The following NAV2 variants were observed in gnomAD, a reference collection of about 807,000 sequenced individuals.
NAV2 encodes helicase, APC down-regulated 1.
NAV2 carries 54 observed loss-of-function variants against 223.2 expected under a neutral mutation model. The observed-to-expected ratio is 0.24, with a 90% confidence interval of 0.19 to 0.30. The LOEUF (loss-of-function observed/expected upper bound fraction) is 0.30, where lower values mean the gene tolerates loss of function less well. NAV2 is among the 10% of genes least tolerant of loss of function. The pLI, the probability that NAV2 is intolerant of heterozygous loss-of-function variation, is 1.00. For missense variants in NAV2, 2,806 were observed against 3,147.5 expected, an observed-to-expected ratio of 0.89 and a Z score of 2.60; for synonymous variants, 1,279 against 1,239.3, an observed-to-expected ratio of 1.03 and a Z score of -0.67.
chr11:20,018,422 C>T (rs2153526895), intron 11 of NAV2, among the ~76,000 whole-genome samples: 1 of 151,344 alleles, frequency 6.6e-6, no homozygotes, highest in East Asian at 1.9e-4. Context: ...TGCGCTTAAC[C>T]TGGGCTTTAT....
At chr11:20,043,802 C>CA (rs374421095) in intron 12 of NAV2, 179 bp from the exon 13 acceptor site, 23,144 of 420,228 alleles carry the variant, frequency 0.055, 135 homozygotes, top group African/African-American at 0.091. Context: ...TTTTTTTTTC[C>CA]AAAAAAAAAA....
At chr11:19,777,753 A>G in intron 1 of NAV2, 1 of 423,228 alleles carries the variant, frequency 2.4e-6, no homozygotes, top group South Asian at 1.7e-5. Context: ...GGGGGGTGGG[A>G]CTGGGCTGCA....
At position 19,956,993 on chromosome 11, in the gene NAV2, C is replaced by T. The variant is rs562679816; in HGVS notation, c.2645+7913C>T. Among the ~76,000 whole-genome samples the T allele has an allele frequency of 2.0e-5, 3 of 152,290 alleles. No individual in the cohort carries two copies. In the South Asian group the frequency reaches 6.2e-4, roughly 32 times the overall value. On this transcript the variant is annotated intron_variant, in intron 10 of 37. Transcript: ENST00000349880. Reference sequence around the variant, plus strand: ...TTTGCTATGAATAACAAAAGATGCTCCTCTTACCCCTATCAAGAAATTCCA... The same window carrying T: ...TTTGCTATGAATAACAAAAGATGCTTCTCTTACCCCTATCAAGAAATTCCA...
chr11:19,677,017 G>A lies in NAV2; in HGVS notation c.76-155467G>A, dbSNP rs116629920. Among the ~76,000 whole-genome samples, 1,344 of 152,308 alleles carry A rather than the reference G, an allele frequency of 8.8e-3. 9 individuals carry two copies. Among genetic ancestry groups the A allele is most frequent in the African/African-American group, 0.031 (1,269 of 41,566 alleles). On this transcript the variant is annotated intron_variant, in intron 1 of 37. Coordinates refer to the NAV2 transcript ENST00000360655. ...TAACCACACCAAGAGTGAAGGCACG[G>A]CCTCTCAAGGAAAGAATCAAGACTG...
At chr11:19,692,183 C>T (rs117834096) in intron 1 of NAV2, among the ~76,000 whole-genome samples, 3,681 of 152,336 alleles carry the variant, frequency 0.024, 82 homozygotes, top group Middle Eastern at 0.068. Flanking sequence ...GAGAAAGACC[C>T]ACACTGGCTG....
chr11:19,929,129 G>A (rs2045076010), intron 6 of NAV2, among the ~76,000 whole-genome samples: 1 of 152,088 alleles, frequency 6.6e-6, no homozygotes. Context: ...TTAGCCAGGT[G>A]TTGGTGGTAC....
intron 5 of NAV2, among the ~76,000 whole-genome samples, chr11:19,883,519 G>C (rs2063345180): frequency 1.3e-5 from 2 of 152,104 alleles, no homozygotes. Context: ...AGTTGTTAAA[G>C]AATAATCCAG....
At chr11:20,103,072 G>A (rs112623328) in intron 32 of NAV2, among the ~76,000 whole-genome samples, 183 bp from the exon 33 acceptor site, 1,948 of 152,258 alleles carry the variant, frequency 0.013, 32 homozygotes, top group Non-Finnish European at 0.02. Context: ...TGCCCACTCT[G>A]CATCCCCTGA....
intron 1 of NAV2, among the ~76,000 whole-genome samples, chr11:19,632,200 T>G (rs1237976439): frequency 2.6e-5 from 4 of 152,188 alleles, no homozygotes; most frequent in Non-Finnish European, 5.9e-5. Flanking sequence ...TACCATCTAT[T>G]TATAGGGACG....
chr11:19,797,069 C>A (rs10833172), intron 1 of NAV2, among the ~76,000 whole-genome samples: 69,773 of 151,936 alleles, frequency 0.46, 18,039 homozygotes, highest in Middle Eastern at 0.61. Flanking sequence ...ACTGGCCCCC[C>A]ACACGGGTTT....
intron 2 of NAV2, among the ~76,000 whole-genome samples, chr11:19,839,346 G>T (rs1040502785): frequency 1.1e-4 from 17 of 152,264 alleles, no homozygotes; most frequent in Admixed American, 7.8e-4. Flanking sequence ...AGAGAGAAGG[G>T]GTGGGAGAAA....
chr11:19,810,651 G>T (rs1006185654), intron 1 of NAV2, among the ~76,000 whole-genome samples: 3 of 152,058 alleles, frequency 2.0e-5, no homozygotes, highest in African/African-American at 7.2e-5. Context: ...TTACCACATG[G>T]CTCATCCTAG....
chr11:19,548,712 C>CAAA (rs35021346), intron 1 of NAV2, among the ~76,000 whole-genome samples: 2 of 127,038 alleles, frequency 1.6e-5, no homozygotes, highest in East Asian at 2.2e-4. Context: ...ACTAAAGATA[C>CAAA]AAAAAAAAAA....
chr11:19,505,804 G>A (rs1161254011), intron 1 of NAV2: 1 of 152,212 alleles, frequency 6.6e-6, no homozygotes, highest in Non-Finnish European at 1.5e-5. Flanking sequence ...TTCTCTAGAA[G>A]ATAGAGCCTG....
In NAV2 at chr11:20,111,980, C is replaced by T. The variant is rs573294538; in HGVS notation, c.6961-2612C>T. Among the ~76,000 whole-genome samples, 3 of 152,330 alleles carry T rather than the reference C, an allele frequency of 2.0e-5. No individual in the cohort carries two copies. In the South Asian group the frequency reaches 6.2e-4, roughly 32 times the overall value. ...GATTCTGCAGCCCTGAGCATGTCCT[C>T]ATCCAGGCTGTAGAGTGGAGACAGA... On this transcript the variant is annotated intron_variant, in intron 36 of 37. Coordinates refer to ENST00000349880, the MANE Select transcript of NAV2 (RefSeq NM_145117.5).
At chr11:19,499,163 T>G (rs756980473) in intron 1 of NAV2, among the ~76,000 whole-genome samples, 5 of 152,226 alleles carry the variant, frequency 3.3e-5, no homozygotes, top group Admixed American at 1.3e-4. Context: ...GTGGGCTGAT[T>G]TACCCTGAAA....
chr11:20,069,680 T>C (rs1033486570), intron 22 of NAV2, among the ~76,000 whole-genome samples: 5 of 152,162 alleles, frequency 3.3e-5, no homozygotes, highest in African/African-American at 9.7e-5. Flanking sequence ...CCACCCAGCC[T>C]GAGCCCGTTG....
chr11:20,102,815 C>G (rs1300710903), intron 32 of NAV2, among the ~76,000 whole-genome samples: 1 of 152,164 alleles, frequency 6.6e-6, no homozygotes, highest in Non-Finnish European at 1.5e-5. Flanking sequence ...TTCAGCAGGA[C>G]TTCCCCAAGC....
At chr11:19,457,139 A>G (rs1393471714) in intron 1 of NAV2, among the ~76,000 whole-genome samples, 1 of 152,262 alleles carries the variant, frequency 6.6e-6, no homozygotes, top group Non-Finnish European at 1.5e-5. Flanking sequence ...CTACTCTCAT[A>G]GAGTTTATAC....
Sources: allele counts gnomAD v4.1 joint callset (sites outside exome capture counted in the v4.1 genomes callset), GRCh38; gene constraint gnomAD v4.1.1; transcripts MANE v1.5; gene names NCBI Gene and HGNC (gene_info 2026-07-23, HGNC 2026-07-21).